Variants in PKIB observed in about 807,000 individuals in gnomAD.
PKIB encodes the protein cAMP-dependent protein kinase inhibitor beta, also known as PKI-beta.
In PKIB, 2 loss-of-function variants were observed where a neutral mutation model predicts 4.5. The ratio of observed to expected loss-of-function variants is 0.44; its 90% CI spans 0.18 to 1.39. PKIB has a LOEUF of 1.39. PKIB is among the 40% of genes most tolerant of loss of function. The pLI, the probability that PKIB is intolerant of heterozygous loss-of-function variation, is 0.27. For synonymous variants in PKIB, 38 were observed against 36.0 expected (o/e 1.06, Z -0.20); for missense variants, 94 against 92.6 (o/e 1.02, Z -0.06).
intron 3 of PKIB, among the ~76,000 whole-genome samples, chr6:122,692,406 G>A (rs1778392751): frequency 6.6e-6 from 1 of 152,236 alleles, no homozygotes; most frequent in South Asian, 2.1e-4. Context: ...CAGACCATGA[G>A]ACAAAGTCCT....
intron 1 of PKIB, among the ~76,000 whole-genome samples, chr6:122,620,654 T>G (rs1328370632): frequency 1.3e-5 from 2 of 152,230 alleles, no homozygotes; most frequent in East Asian, 3.8e-4. Flanking sequence ...GTTGAGTGGC[T>G]TTGTGACACT....
Position 122,515,827 on chromosome 6 carries a change from TGCCTTAGCCTCCCGGGTAGCTG to T in PKIB, c.-248+37890_-248+37911del, listed in dbSNP as rs987754025. ...GCCTCCTGGGTTCAAGCTATTCTCC[TGCCTTAGCCTCCCGGGTAGCTG>T]GGACTACAGGCTCGCACCACCACGC... On this transcript the variant is annotated intron_variant, in intron 2 of 6. Transcript: ENST00000392491. Among the ~76,000 whole-genome samples the T allele has an allele frequency of 5.9e-5, 9 of 152,076 alleles. 1 individual carries two copies. The highest frequency in any genetic ancestry group is 1.2e-4 in the Non-Finnish European group (8 of 68,006).
At chr6:122,689,616 G>A (rs1227635604) in intron 3 of PKIB, among the ~76,000 whole-genome samples, 1 of 152,154 alleles carries the variant, frequency 6.6e-6, no homozygotes, top group Non-Finnish European at 1.5e-5. Flanking sequence ...AGTCAGAGAA[G>A]ATGCTTGATA....
chr6:122,590,565 A>G (rs1373290545), intron 3 of PKIB, among the ~76,000 whole-genome samples: 1 of 152,214 alleles, frequency 6.6e-6, no homozygotes, highest in African/African-American at 2.4e-5. Flanking sequence ...AAGTGTATAA[A>G]TGTAGGCAGA....
At chr6:122,508,787 G>T (rs1776498025) in intron 2 of PKIB, among the ~76,000 whole-genome samples, 1 of 151,624 alleles carries the variant, frequency 6.6e-6, no homozygotes, top group African/African-American at 2.4e-5. Context: ...GTCTTGCTCT[G>T]TCGCCCAGGC....
chr6:122,499,927 CAAG>C (rs1485200044), intron 2 of PKIB, among the ~76,000 whole-genome samples: 2 of 152,038 alleles, frequency 1.3e-5, no homozygotes, highest in Admixed American at 1.3e-4. Context: ...AGATCCAACT[CAAG>C]AATGCAATTC....
intron 2 of PKIB, among the ~76,000 whole-genome samples, chr6:122,674,255 T>C (rs1436998786): frequency 2.0e-5 from 3 of 152,286 alleles, no homozygotes; most frequent in East Asian, 3.9e-4. Context: ...TACTTTGAAA[T>C]AATTCTACCT....
intron 2 of PKIB, among the ~76,000 whole-genome samples, chr6:122,672,901 A>C (rs1462920957): frequency 2.0e-5 from 3 of 152,010 alleles, no homozygotes; most frequent in African/African-American, 4.8e-5. Context: ...TCATTAGTAA[A>C]ATATTTGATA....
intron 3 of PKIB, among the ~76,000 whole-genome samples, chr6:122,677,183 C>T (rs914623631): frequency 6.6e-6 from 1 of 152,112 alleles, no homozygotes; most frequent in Non-Finnish European, 1.5e-5. Flanking sequence ...TTGAGAAATA[C>T]AAATTTTCCT....
chr6:122,552,277 T>C (rs197683), intron 2 of PKIB, among the ~76,000 whole-genome samples: 124,424 of 151,964 alleles, frequency 0.82, 51,075 homozygotes, highest in South Asian at 0.92. Context: ...GTAACTTCTC[T>C]GGGGCCTGGC....
chr6:122,544,619 A>G (rs1193154097), intron 2 of PKIB, among the ~76,000 whole-genome samples: 1 of 152,060 alleles, frequency 6.6e-6, no homozygotes, highest in Non-Finnish European at 1.5e-5. Flanking sequence ...ACTTGGGTGG[A>G]GATTTCCCAT....
At chr6:122,551,086 T>G (rs1772662586) in intron 2 of PKIB, among the ~76,000 whole-genome samples, 1 of 152,186 alleles carries the variant, frequency 6.6e-6, no homozygotes, top group Non-Finnish European at 1.5e-5. Flanking sequence ...TCCTAAAATT[T>G]CACTTATATG....
At position 122,725,243 on chromosome 6, in the gene PKIB, T is replaced by G; in HGVS notation, c.*48T>G. On this transcript the variant is annotated 3_prime_UTR_variant, in exon 5 of 5. Transcript: ENST00000368452. ...GCTGAATTTCTGCATGTTGAAAGAC[T>G]TAGTGGTTCTGTTTTCTTGAGACAT... The G allele has an allele frequency of 6.8e-7, 1 of 1,469,466 alleles. No individual in the cohort carries two copies. The highest frequency in any genetic ancestry group is 1.2e-5 in the South Asian group (1 of 82,974). 91.0% of individuals were successfully genotyped at this position (1,469,466 alleles called of 1,614,324 possible).
At chr6:122,509,908 G>GTT (rs111523779) in intron 2 of PKIB, among the ~76,000 whole-genome samples, 1 of 144,880 alleles carries the variant, frequency 6.9e-6, no homozygotes, top group Non-Finnish European at 1.5e-5. Context: ...GGCTTGTTGA[G>GTT]TTTTTTTTTT....
At chr6:122,716,293 CTG>C (rs1368720943) in intron 3 of PKIB, among the ~76,000 whole-genome samples, 2 of 152,132 alleles carry the variant, frequency 1.3e-5, no homozygotes, top group Non-Finnish European at 2.9e-5. Flanking sequence ...AGGGGAGGAA[CTG>C]TGACTCAGAG....
chr6:122,586,980 T>A (rs1773867922), intron 3 of PKIB, among the ~76,000 whole-genome samples: 1 of 152,098 alleles, frequency 6.6e-6, no homozygotes, highest in South Asian at 2.1e-4. Context: ...CAGAGAAGGG[T>A]ACCAAGCAGC....
chr6:122,549,332 A>AT (rs1292206652), intron 2 of PKIB, among the ~76,000 whole-genome samples: 1 of 152,106 alleles, frequency 6.6e-6, no homozygotes, highest in Non-Finnish European at 1.5e-5. Context: ...CTGTAAAAAC[A>AT]TTTTTTTCCA....
At chr6:122,567,292 G>A (rs2114684907) in intron 2 of PKIB, among the ~76,000 whole-genome samples, 1 of 152,318 alleles carries the variant, frequency 6.6e-6, no homozygotes, top group East Asian at 1.9e-4. Context: ...AGTGGCTGAT[G>A]AGAGTTGGTG....
At chr6:122,648,037 C>T (rs745622722) in intron 2 of PKIB, among the ~76,000 whole-genome samples, 7 of 152,254 alleles carry the variant, frequency 4.6e-5, no homozygotes, top group Non-Finnish European at 7.3e-5. Context: ...ACCTCCACTG[C>T]GTGGTATAGC....
Sources: allele counts gnomAD v4.1 joint callset (sites outside exome capture counted in the v4.1 genomes callset), GRCh38; gene constraint gnomAD v4.1.1; transcripts MANE v1.5; gene names NCBI Gene and HGNC (gene_info 2026-07-23, HGNC 2026-07-21).